Variants in SORBS2 observed in about 807,000 individuals in gnomAD.
The protein encoded by SORBS2 is sorbin and SH3 domain containing 2.
Under a neutral mutation model 97.7 loss-of-function variants are expected in SORBS2, and 46 were observed. The observed-to-expected ratio is 0.47, with a 90% CI of 0.37 to 0.60. The LOEUF (loss-of-function observed/expected upper bound fraction) is 0.60, where lower values mean the gene tolerates loss of function less well. SORBS2 is among the 20% of genes least tolerant of loss of function. The probability of loss-of-function intolerance (pLI) is 0.00; values close to 1 mark genes in which losing one functional copy is unlikely to be tolerated. For missense variants in SORBS2, 1,316 were observed against 1,282.3 expected (o/e 1.03, Z -0.40); for synonymous variants, 476 against 473.4 (o/e 1.01, Z -0.07).
At chr4:185,862,959 C>T (rs2099224726) in intron 1 of SORBS2, among the ~76,000 whole-genome samples, 1 of 152,222 alleles carries the variant, frequency 6.6e-6, no homozygotes, top group South Asian at 2.1e-4. Context: ...GTAGTCAAAC[C>T]TGCTCACGGG....
chr4:185,762,888 C>T (rs919459207), intron 2 of SORBS2, among the ~76,000 whole-genome samples: 15 of 152,124 alleles, frequency 9.9e-5, no homozygotes, highest in Non-Finnish European at 2.1e-4. Context: ...GTTAAAGGCA[C>T]TTAAGAAAAA....
chr4:185,819,271 T>C (rs1485603667), intron 1 of SORBS2, among the ~76,000 whole-genome samples: 2 of 152,258 alleles, frequency 1.3e-5, no homozygotes, highest in African/African-American at 4.8e-5. Context: ...CTGTCATCTT[T>C]TGAAACTGGT....
intron 1 of SORBS2, among the ~76,000 whole-genome samples, chr4:185,858,278 T>C (rs1262798983): frequency 1.3e-5 from 2 of 152,190 alleles, no homozygotes. Context: ...AGACTTGAGC[T>C]CCAAAGCTCT....
At chr4:185,792,286 G>A (rs535760799) in intron 1 of SORBS2, among the ~76,000 whole-genome samples, 2 of 152,318 alleles carry the variant, frequency 1.3e-5, no homozygotes, top group East Asian at 3.9e-4. Flanking sequence ...CTGAGGTCAA[G>A]AGTTTGAAAC....
intron 8 of SORBS2, 134 bp downstream of exon 20, chr4:185,619,929 A>G: frequency 1.4e-6 from 1 of 711,050 alleles, no homozygotes; most frequent in Non-Finnish European, 2.6e-6. Context: ...GGCCCCAAGG[A>G]AAATTGTTTC....
At chr4:185,599,633 C>A (rs181354324) in intron 12 of SORBS2, among the ~76,000 whole-genome samples, 1 of 152,326 alleles carries the variant, frequency 6.6e-6, no homozygotes. Context: ...TGCTTGGCAA[C>A]AGTTTTTTCT....
At chr4:185,779,925 A>C (rs756479096) in intron 1 of SORBS2, among the ~76,000 whole-genome samples, 35 of 152,206 alleles carry the variant, frequency 2.3e-4, no homozygotes, top group Non-Finnish European at 1.9e-4. Flanking sequence ...ATGCTGACTA[A>C]AAGAAGGGAT....
chr4:185,912,816 C>T (rs1017787764), intron 1 of SORBS2, among the ~76,000 whole-genome samples: 13 of 152,128 alleles, frequency 8.5e-5, no homozygotes, highest in Non-Finnish European at 1.5e-4. Flanking sequence ...GCTGTCTAAG[C>T]ACCTGATGGT....
At chr4:185,727,624 T>C (rs1369626560) in intron 2 of SORBS2, among the ~76,000 whole-genome samples, 2 of 152,194 alleles carry the variant, frequency 1.3e-5, no homozygotes, top group Non-Finnish European at 2.9e-5. Flanking sequence ...TGTAAATAAA[T>C]AGGCTTTCAT....
At chr4:185,774,023 C>T (rs550080916) in intron 2 of SORBS2, 4 of 151,092 alleles carry the variant, frequency 2.6e-5, no homozygotes, top group African/African-American at 7.3e-5. Context: ...GTTACTCAGA[C>T]GATCCTTATG....
At chr4:185,809,626 G>T (rs765422605) in intron 1 of SORBS2, among the ~76,000 whole-genome samples, 103 of 152,128 alleles carry the variant, frequency 6.8e-4, no homozygotes, top group Non-Finnish European at 9.3e-4. Flanking sequence ...TCTGAACCTG[G>T]TTCTCAAAAT....
At chr4:185,930,444 G>A (rs184070195) in intron 1 of SORBS2, among the ~76,000 whole-genome samples, 2 of 152,000 alleles carry the variant, frequency 1.3e-5, no homozygotes, top group African/African-American at 4.8e-5. Context: ...ACAGGCGACC[G>A]CCACCACCAC....
At chr4:185,638,989 C>T (rs913262445) in intron 4 of SORBS2, 2 of 1,522,520 alleles carry the variant, frequency 1.3e-6, no homozygotes, top group South Asian at 1.2e-5. Flanking sequence ...AAGAGGCTTC[C>T]GGCCAGGTTC....
At position 185,872,272 on chromosome 4, in the gene SORBS2, T is replaced by C. The variant is rs1442399292; in HGVS notation, c.-338+83924A>G. Among the ~76,000 whole-genome samples the C allele has an allele frequency of 2.0e-5, 3 of 152,274 alleles. No homozygotes were observed. The East Asian group carries it at 5.8e-4, about 29-fold the overall frequency. The stretch of plus-strand genomic sequence containing the variant: ...GTAACATACAGTGAATGCAGTTAAT[T>C]TGGGCAACTGGTGCATGATTTATAG... On this transcript the variant is annotated intron_variant, in intron 1 of 20. Transcript: ENST00000284776.
At chr4:185,818,229 G>A (rs13114689) in intron 1 of SORBS2, among the ~76,000 whole-genome samples, 4,761 of 152,190 alleles carry the variant, frequency 0.031, 102 homozygotes, top group South Asian at 0.057. Flanking sequence ...TCGCTCTGTC[G>A]TCCAGGCTGG....
chr4:185,727,981 A>C (rs1159976037), intron 2 of SORBS2, among the ~76,000 whole-genome samples: 2 of 152,190 alleles, frequency 1.3e-5, no homozygotes, highest in Non-Finnish European at 2.9e-5. Context: ...AAACACTTAA[A>C]ACTATACATG....
chr4:185,837,108 A>T (rs1388751482), intron 1 of SORBS2, among the ~76,000 whole-genome samples: 1 of 152,208 alleles, frequency 6.6e-6, no homozygotes, highest in Non-Finnish European at 1.5e-5. Context: ...CCTCACATTC[A>T]GTTCTAATCT....
At chr4:185,888,319 G>A (rs2099240727) in intron 1 of SORBS2, among the ~76,000 whole-genome samples, 1 of 152,104 alleles carries the variant, frequency 6.6e-6, no homozygotes, top group Non-Finnish European at 1.5e-5. Flanking sequence ...CTAGAAACGA[G>A]GGGTGGTGGG....
In SORBS2 at chr4:185,605,258, T is replaced by A. The variant is rs138055763; in HGVS notation, c.2796+6522A>T. 5.7e-4 allele frequency among the ~76,000 whole-genome samples: 87 copies of A among 152,332 alleles called. 1 individual carries two copies. The East Asian group carries it at 0.016, about 29-fold the overall frequency. ...GCCAGTAATTATACTTGCTTCTTAA[T>A]TCACAGGGTACATTTGTGGGATCAA... On this transcript the variant is annotated intron_variant, in intron 12 of 14. Transcript: ENST00000418609.
Sources: gnomAD v4.1 joint callset for allele counts (sites outside exome capture counted in the v4.1 genomes callset) on GRCh38, gnomAD v4.1.1 for gene constraint, MANE v1.5 for transcripts, NCBI Gene and HGNC (gene_info 2026-07-23, HGNC 2026-07-21) for gene names.